AK9: variants seen among roughly 807,000 people sequenced by gnomAD.
AK9 encodes the protein adenylate kinase 9.
In AK9, 191 loss-of-function variants were observed where a neutral mutation model predicts 239.6. That is an observed-to-expected ratio of 0.80 (90% CI 0.71 to 0.90). The LOEUF is 0.90. Ranked by LOEUF, AK9 falls within the 40% of genes least tolerant of loss-of-function variation. AK9 has a pLI of 0.00. For synonymous variants in AK9, 689 were observed against 721.0 expected, an observed-to-expected ratio of 0.96 and a Z score of 0.71; for missense variants, 1,995 against 2,214.7, an observed-to-expected ratio of 0.90 and a Z score of 1.99.
intron 17 of AK9, among the ~76,000 whole-genome samples, chr6:109,608,225 G>C (rs1193722866): frequency 6.6e-6 from 1 of 150,634 alleles, no homozygotes; most frequent in Non-Finnish European, 1.5e-5. Context: ...GTTGCAGTGA[G>C]CTGAGATCGC....
chr6:109,639,466 G>A (rs1379600881), intron 10 of AK9, among the ~76,000 whole-genome samples: 1 of 152,206 alleles, frequency 6.6e-6, no homozygotes, highest in Non-Finnish European at 1.5e-5. Flanking sequence ...AGAAGTGTCA[G>A]TTCATATCCT....
chr6:109,684,735 G>A (rs1376734304), intron 1 of AK9, among the ~76,000 whole-genome samples: 7 of 141,134 alleles, frequency 5.0e-5, no homozygotes, highest in South Asian at 2.2e-4. Flanking sequence ...TTAGCCGGGC[G>A]TAGTGGCGGG....
At chr6:109,509,855 T>C (rs6568578) in intron 32 of AK9, among the ~76,000 whole-genome samples, 127,117 of 151,996 alleles carry the variant, frequency 0.84, 53,866 homozygotes, top group East Asian at 1. Flanking sequence ...TTGGGGGGTT[T>C]TCCCAGGTGC....
chr6:109,686,833 C>G (rs1308917541), intron 1 of AK9, among the ~76,000 whole-genome samples: 1 of 152,210 alleles, frequency 6.6e-6, no homozygotes, highest in Non-Finnish European at 1.5e-5. Context: ...TTATGTCAGA[C>G]AAGTCAAGTC....
chr6:109,577,082 G>A (rs1351521153), intron 20 of AK9, among the ~76,000 whole-genome samples: 4 of 151,958 alleles, frequency 2.6e-5, no homozygotes, highest in East Asian at 3.9e-4. Flanking sequence ...GGCCCACCTC[G>A]GCCTCCCAAA....
At chr6:109,627,139 T>TC (rs1366864611) in intron 12 of AK9, among the ~76,000 whole-genome samples, 1 of 142,150 alleles carries the variant, frequency 7.0e-6, no homozygotes, top group Non-Finnish European at 1.5e-5. Flanking sequence ...TAAGCTTTTT[T>TC]TTTTTTTTTT....
chr6:109,679,323 G>T (rs1361385922), intron 1 of AK9, among the ~76,000 whole-genome samples: 2 of 151,954 alleles, frequency 1.3e-5, no homozygotes, highest in Non-Finnish European at 2.9e-5. Context: ...CCCTCACAGT[G>T]TAAACAAAGC....
chr6:109,525,536 C>A (rs894036254), intron 29 of AK9, among the ~76,000 whole-genome samples: 1 of 152,170 alleles, frequency 6.6e-6, no homozygotes, highest in Admixed American at 6.6e-5. Context: ...AACATAGACA[C>A]AGCCAACGAG....
intron 17 of AK9, among the ~76,000 whole-genome samples, chr6:109,588,398 C>A (rs1789800449): frequency 6.6e-6 from 1 of 152,088 alleles, no homozygotes; most frequent in Non-Finnish European, 1.5e-5. Flanking sequence ...GTCTTCTTTT[C>A]AGAAATGTCT....
chr6:109,550,239 C>T lies in AK9; in HGVS notation c.2815G>A (p.Val939Ile). ...TGCAGGATGAAGTTTTCTTTGAGGACCACCGGACAAAAGTGTTTTGTGTCT... is the reference window on the plus strand; with the variant it reads ...TGCAGGATGAAGTTTTCTTTGAGGATCACCGGACAAAAGTGTTTTGTGTCT... ...LGDTKHFCPV[V>I]LKENFILQPG... Residue 939 changes from valine (V) to isoleucine (I), a missense_variant, in exon 25 of 41, where the codon GTC becomes ATC. Val to Ile is a conservative substitution (Grantham distance 29). Around this residue, in one of 5 missense-constraint regions of AK9, gnomAD observed 1,290 missense variants for 1,392.7 expected, o/e 0.93. Transcript: ENST00000424296. 5 of 1,613,298 alleles carry T rather than the reference C, an allele frequency of 3.1e-6. No homozygotes were observed. The highest frequency in any genetic ancestry group is 3.3e-5 in the Admixed American group (2 of 60,004).
chr6:109,600,548 TTG>T (rs1265313123), intron 17 of AK9, among the ~76,000 whole-genome samples: 1 of 152,196 alleles, frequency 6.6e-6, no homozygotes, highest in Non-Finnish European at 1.5e-5. Context: ...TCTTTTTTTG[TTG>T]TGTCTCTGCC....
chr6:109,659,249 T>C lies in AK9; in HGVS notation c.609A>G (p.Glu203=). 6.3e-7 allele frequency: 1 copy of C among 1,586,266 alleles called. No individual in the cohort carries two copies. Among genetic ancestry groups the C allele is most frequent in the South Asian group, 1.1e-5 (1 of 86,968 alleles). ...KDGKGEEEEE[E]EEQEEEEAFI... ...TTACCTCTTCTTCTTCTTGCTCTTC[T>C]TCCTCTTCTTCCTCTTCTCCTTTTC... Residue 203 remains glutamate, a synonymous_variant, in exon 7 of 41, where the codon GAA becomes GAG. Coordinates refer to ENST00000424296, the MANE Select transcript of AK9 (RefSeq NM_001145128.3).
At chr6:109,586,125 G>C (rs768634335) in intron 17 of AK9, 53 bp from the exon 18 acceptor site, 22 of 1,385,914 alleles carry the variant, frequency 1.6e-5, no homozygotes, top group Non-Finnish European at 2.1e-5. Context: ...AGTCAAGGAT[G>C]CAACCTTGAT....
At chr6:109,627,225 T>C (rs1472469354) in intron 12 of AK9, among the ~76,000 whole-genome samples, 1 of 145,352 alleles carries the variant, frequency 6.9e-6, no homozygotes. Context: ...CTTGTCCCAC[T>C]GGAAGGTCTT....
intron 12 of AK9, among the ~76,000 whole-genome samples, chr6:109,628,026 A>G (rs1795736666): frequency 6.6e-6 from 1 of 152,136 alleles, no homozygotes; most frequent in African/African-American, 2.4e-5. Flanking sequence ...CAATCTCCAA[A>G]TTCATTCCCC....
At chr6:109,570,137 G>T (rs1787208628) in intron 21 of AK9, among the ~76,000 whole-genome samples, 1 of 152,126 alleles carries the variant, frequency 6.6e-6, no homozygotes, top group African/African-American at 2.4e-5. Context: ...GTAGGGACAT[G>T]GATGAAGCTG....
At chr6:109,690,735 A>G (rs957105603) in intron 1 of AK9, 1 of 152,406 alleles carries the variant, frequency 6.6e-6, no homozygotes, top group Non-Finnish European at 1.5e-5. Flanking sequence ...TTTATGTCGC[A>G]CACATGAAAT....
Position 109,499,204 on chromosome 6 carries a change from G to A in AK9, c.4886C>T (p.Pro1629Leu). 1.3e-6 allele frequency: 2 copies of A among 1,587,794 alleles called. No individual in the cohort carries two copies. Among genetic ancestry groups the A allele is most frequent in the Non-Finnish European group, 1.7e-6 (2 of 1,166,088 alleles). ...TCCCAGGCGAGAAAGCAGCTCTTGA[G>A]GTGTGATACATAACTTGTCAATGCA... ...AACIDKLCIT[P>L]QELLSRLGEF... is the part of the protein sequence containing the mutation. The change falls in exon 36 of 41, where the codon CCT (proline) becomes CTT (leucine). Residue 1629 changes from proline to leucine, a missense_variant. Around this residue, in one of 5 missense-constraint regions of AK9, gnomAD observed 391 missense variants for 456.0 expected, o/e 0.86. Coordinates refer to ENST00000424296, the MANE Select transcript of AK9 (RefSeq NM_001145128.3).
chr6:109,627,132 G>GA (rs1795618606), intron 12 of AK9, among the ~76,000 whole-genome samples: 1 of 98,014 alleles, frequency 1.0e-5, no homozygotes, highest in African/African-American at 3.8e-5. Flanking sequence ...CGATGTTTAA[G>GA]CTTTTTTTTT....
Sources: gnomAD v4.1 joint callset for allele counts (sites outside exome capture counted in the v4.1 genomes callset) on GRCh38, gnomAD v4.1.1 for gene constraint, gnomAD v4.1.1 regional missense constraint, MANE v1.5 for transcripts, NCBI Gene and HGNC (gene_info 2026-07-23, HGNC 2026-07-21) for gene names.